The following TMEM131L variants were observed in gnomAD, a reference collection of about 807,000 sequenced individuals.
The protein encoded by TMEM131L is transmembrane 131 like.
TMEM131L carries 54 observed loss-of-function variants against 192.2 expected under a neutral mutation model. That is an observed-to-expected ratio of 0.28 (90% CI 0.23 to 0.35). The LOEUF (loss-of-function observed/expected upper bound fraction) is 0.35. TMEM131L is among the 10% of genes least tolerant of loss of function. TMEM131L has a pLI of 1.00. For missense variants in TMEM131L, 1,888 were observed against 1,972.9 expected, an observed-to-expected ratio of 0.96 and a Z score of 0.82; for synonymous variants, 701 against 704.9, an observed-to-expected ratio of 0.99 and a Z score of 0.09.
At chr4:153,628,475 C>CT (rs1733999027) in intron 31 of TMEM131L, among the ~76,000 whole-genome samples, 2 of 152,280 alleles carry the variant, frequency 1.3e-5, no homozygotes, top group Admixed American at 1.3e-4. Context: ...CACATACTTG[C>CT]TTTTGGTCAT....
At chr4:153,605,396 CT>C (rs749071869) in intron 25 of TMEM131L, among the ~76,000 whole-genome samples, 2 of 152,348 alleles carry the variant, frequency 1.3e-5, no homozygotes, top group South Asian at 4.1e-4. Flanking sequence ...GAAATAAGGT[CT>C]GGCTCTATCA....
Position 153,550,137 on chromosome 4 carries a change from A to G in TMEM131L, c.304A>G (p.Ile102Val). The part of the protein sequence containing the change: ...HFQPSVLDFG[I>V]QFLGHPVAKI... ...TCAGCCATCAGTTTTAGATTTTGGA[A>G]TACAGTAAGTATCTTTTCTTTATAA... The change falls in exon 4 of 35, where the codon ATA becomes GTA. Residue 102 changes from isoleucine (I) to valine (V), a missense_variant. Transcript: ENST00000409959. 1 of 1,351,796 alleles carries G rather than the reference A, an allele frequency of 7.4e-7. No individual in the cohort carries two copies. The highest frequency in any genetic ancestry group is 1.4e-5 in the South Asian group (1 of 69,974). 83.7% of individuals were successfully genotyped at this position (1,351,796 alleles called of 1,614,324 possible).
At chr4:153,599,402 C>A (rs1731672317) in intron 21 of TMEM131L, among the ~76,000 whole-genome samples, 1 of 152,022 alleles carries the variant, frequency 6.6e-6, no homozygotes, top group South Asian at 2.1e-4. Flanking sequence ...GGACGCAGAT[C>A]CAAACCATAT....
chr4:153,493,118 A>G (rs12503370), intron 3 of TMEM131L, among the ~76,000 whole-genome samples: 18,053 of 147,424 alleles, frequency 0.12, 1,787 homozygotes, highest in East Asian at 0.24. Context: ...AGGCCGAGGC[A>G]GGTGGGTCAC....
chr4:153,588,271 A>G (rs963839882), intron 15 of TMEM131L, among the ~76,000 whole-genome samples: 14 of 138,884 alleles, frequency 1.0e-4, no homozygotes, highest in Admixed American at 9.6e-4. Flanking sequence ...TCTTGTTTTG[A>G]GTTTTTTTTT....
At chr4:153,539,038 G>A (rs1736560464) in intron 3 of TMEM131L, among the ~76,000 whole-genome samples, 1 of 152,216 alleles carries the variant, frequency 6.6e-6, no homozygotes, top group Non-Finnish European at 1.5e-5. Context: ...GACGAGAAGG[G>A]GGGATATTAG....
At chr4:153,593,770 G>GTT (rs766066676) in intron 18 of TMEM131L, 29 bp from the exon 19 acceptor site, 1 of 1,494,352 alleles carries the variant, frequency 6.7e-7, no homozygotes, top group South Asian at 1.1e-5. Context: ...TGTGAGTGCT[G>GTT]TTTTAAACAT....
At chr4:153,475,850 A>G (rs531055431) in intron 3 of TMEM131L, among the ~76,000 whole-genome samples, 103 of 152,360 alleles carry the variant, frequency 6.8e-4, no homozygotes, top group African/African-American at 2.1e-3. Context: ...TGCAAATACT[A>G]TATACCATTT....
At chr4:153,600,495 A>ATTAACATG (rs1283178541) in intron 21 of TMEM131L, among the ~76,000 whole-genome samples, 1 of 152,242 alleles carries the variant, frequency 6.6e-6, no homozygotes, top group East Asian at 1.9e-4. Context: ...TTAGAAATAC[A>ATTAACATG]TTAACATGTT....
At chr4:153,513,791 T>A (rs1305835832) in intron 3 of TMEM131L, among the ~76,000 whole-genome samples, 1 of 152,174 alleles carries the variant, frequency 6.6e-6, no homozygotes, top group Non-Finnish European at 1.5e-5. Flanking sequence ...CTCAGATGTT[T>A]TAGCAAAAAT....
In TMEM131L at chr4:153,550,688, A is replaced by G. The variant is rs536355290; in HGVS notation, c.308+547A>G. On this transcript the variant is annotated intron_variant, in intron 4 of 34. Coordinates refer to ENST00000409959, the MANE Select transcript of TMEM131L (RefSeq NM_001131007.2). Reference sequence around the variant, plus strand: ...GTAGTGATTGAAATTTAATAAGTCAATGTTGTTTTTCCAAAACAAATCCGG... The same window carrying G: ...GTAGTGATTGAAATTTAATAAGTCAGTGTTGTTTTTCCAAAACAAATCCGG... 4.2e-3 allele frequency among the ~76,000 whole-genome samples: 622 copies of G among 147,424 alleles called. 3 individuals carry two copies. The highest frequency in any genetic ancestry group is 0.015 in the African/African-American group (587 of 38,570).
Position 153,606,040 on chromosome 4 carries a change from G to A in TMEM131L, c.3418+1610G>A, listed in dbSNP as rs146315594. On this transcript the variant is annotated intron_variant, in intron 25 of 34. Coordinates refer to ENST00000409959, the MANE Select transcript of TMEM131L (RefSeq NM_001131007.2). ...CTGTGCCCTGTCTCCTCCACCTGGC[G>A]TGTGAGTATGCCCCCTGGTAATGCA... Among the ~76,000 whole-genome samples the A allele has an allele frequency of 1.5e-3, 235 of 152,286 alleles. 1 individual carries two copies. Among genetic ancestry groups the A allele is most frequent in the African/African-American group, 4.7e-3 (194 of 41,560 alleles).
chr4:153,575,567 C>G (rs1171834351), intron 7 of TMEM131L, among the ~76,000 whole-genome samples: 1 of 151,908 alleles, frequency 6.6e-6, no homozygotes, highest in Non-Finnish European at 1.5e-5. Flanking sequence ...TTTGATAAGT[C>G]TCTTAACCCC....
chr4:153,582,851 G>T (rs903583694), intron 9 of TMEM131L, among the ~76,000 whole-genome samples: 1 of 152,132 alleles, frequency 6.6e-6, no homozygotes, highest in African/African-American at 2.4e-5. Context: ...ATCAACAGGA[G>T]AACATAGCTT....
chr4:153,494,891 C>T (rs1374376862), intron 3 of TMEM131L, among the ~76,000 whole-genome samples: 1 of 152,198 alleles, frequency 6.6e-6, no homozygotes, highest in African/African-American at 2.4e-5. Flanking sequence ...TGCCGGGGCT[C>T]CTGCTCTGCC....
chr4:153,564,453 A>G (rs1729064574), intron 7 of TMEM131L, among the ~76,000 whole-genome samples: 1 of 152,084 alleles, frequency 6.6e-6, no homozygotes, highest in Non-Finnish European at 1.5e-5. Context: ...TGAGCAATAA[A>G]TTTCTGTTGT....
intron 26 of TMEM131L, among the ~76,000 whole-genome samples, chr4:153,619,754 C>A (rs1733254841): frequency 6.6e-6 from 1 of 152,200 alleles, no homozygotes. Flanking sequence ...CTTCACAATT[C>A]CTACTCTGAT....
intron 7 of TMEM131L, among the ~76,000 whole-genome samples, chr4:153,570,085 G>A (rs1236061371): frequency 6.6e-6 from 1 of 152,138 alleles, no homozygotes; most frequent in Non-Finnish European, 1.5e-5. Flanking sequence ...AGTAGCTACA[G>A]GCTGGATTTG....
chr4:153,468,743 C>G (rs1232767662), intron 2 of TMEM131L, among the ~76,000 whole-genome samples: 4 of 151,978 alleles, frequency 2.6e-5, no homozygotes, highest in African/African-American at 9.7e-5. Context: ...GCTTCCCCCT[C>G]TCCCCCACCC....
Sources: gnomAD v4.1 joint callset for allele counts (sites outside exome capture counted in the v4.1 genomes callset) on GRCh38, gnomAD v4.1.1 for gene constraint, MANE v1.5 for transcripts, NCBI Gene and HGNC (gene_info 2026-07-23, HGNC 2026-07-21) for gene names.